The following LHFPL4 variants were observed in gnomAD, a reference collection of about 807,000 sequenced individuals.
LHFPL4 encodes LHFPL tetraspan subfamily member 4 protein.
LHFPL4 carries 6 observed loss-of-function variants against 20.0 expected under a neutral mutation model. The ratio of observed to expected loss-of-function variants is 0.30; its 90% CI spans 0.16 to 0.59. LHFPL4 has a LOEUF of 0.59. LHFPL4 is among the 20% of genes least tolerant of loss of function. The pLI, the probability that LHFPL4 is intolerant of heterozygous loss-of-function variation, is 0.88. For synonymous variants in LHFPL4, 129 were observed against 143.8 expected (o/e 0.90, Z 0.74); for missense variants, 215 against 331.2 (o/e 0.65, Z 2.72).
chr3:9,517,798 TTTG>T (rs1405588691), intron 2 of LHFPL4, among the ~76,000 whole-genome samples: 16 of 125,566 alleles, frequency 1.3e-4, no homozygotes, highest in African/African-American at 4.6e-4. Flanking sequence ...GTTGGGTTTT[TTTG>T]TTTTTTGTTT....
At chr3:9,511,144 G>A (rs2046256817) in intron 2 of LHFPL4, among the ~76,000 whole-genome samples, 1 of 152,174 alleles carries the variant, frequency 6.6e-6, no homozygotes, top group East Asian at 1.9e-4. Flanking sequence ...GAGGTCAGGA[G>A]TTCGAGACCA....
In LHFPL4 at chr3:9,552,348, G is replaced by C. The variant is rs773280217; in HGVS notation, c.332C>G (p.Thr111Ser). 1.2e-6 allele frequency: 2 copies of C among 1,613,928 alleles called. No individual in the cohort carries two copies. Among genetic ancestry groups the C allele is most frequent in the Non-Finnish European group, 1.7e-6 (2 of 1,179,938 alleles). ...GCAGAAGAAGAAAAGCGAAAAGCAG[G>C]TGATGCAGCCGAGGATCAGCACCAT... ...LSMVLILGCI[T>S]CFSLFFFCNT... The change falls in exon 2 of 4, where the codon ACC becomes AGC. Residue 111 changes from threonine (T) to serine (S), a missense_variant. This residue lies in a region of LHFPL4 where 164 missense variants were observed against 286.7 expected (regional missense o/e 0.57). Transcript: ENST00000287585.
intron 2 of LHFPL4, among the ~76,000 whole-genome samples, chr3:9,524,439 G>C (rs777001228): frequency 1.3e-5 from 2 of 151,926 alleles, no homozygotes; most frequent in Admixed American, 6.6e-5. Context: ...TTGTTAGTTT[G>C]TTTTAGTCTT....
In LHFPL4 at chr3:9,543,487, G is replaced by C. The variant is rs2046491060; in HGVS notation, c.406+8787C>G. Among the ~76,000 whole-genome samples the C allele has an allele frequency of 2.0e-5, 3 of 150,398 alleles. No individual in the cohort carries two copies. In the South Asian group the frequency reaches 6.3e-4, roughly 32 times the overall value. On this transcript the variant is annotated intron_variant, in intron 2 of 3. Coordinates refer to ENST00000287585, the MANE Select transcript of LHFPL4 (RefSeq NM_198560.3). ...TGCACTCCAGCCTGGGCAACAGAAT[G>C]AGATTCTGTCTCAAAACAAAAAAAA...
intron 1 of LHFPL4, among the ~76,000 whole-genome samples, chr3:9,553,374 G>A (rs1328418801): frequency 1.3e-5 from 2 of 150,776 alleles, no homozygotes; most frequent in African/African-American, 2.4e-5. Context: ...GGGATCGGGG[G>A]CTGGGACTGC....
Position 9,502,308 on chromosome 3 carries a change from A to G in LHFPL4, c.647T>C (p.Phe216Ser), listed in dbSNP as rs1213550943. The G allele has an allele frequency of 6.2e-7, 1 of 1,603,700 alleles. No individual in the cohort carries two copies. Among genetic ancestry groups the G allele is most frequent in the East Asian group, 2.2e-5 (1 of 44,792 alleles). Residue 216 changes from phenylalanine (F) to serine (S), a missense_variant, in exon 4 of 4, where the codon TTT (phenylalanine) becomes TCT (serine). Coordinates refer to ENST00000287585, the MANE Select transcript of LHFPL4 (RefSeq NM_198560.3). ...QEELKPENKD[F>S]VGSTVSSVLR... ...CACGGAGCTTACTGTAGAGCCCACA[A>G]AATCTAAGAGAGAGAGAGAGAGAGA...
At chr3:9,536,264 G>A (rs1574851485) in intron 2 of LHFPL4, among the ~76,000 whole-genome samples, 1 of 152,178 alleles carries the variant, frequency 6.6e-6, no homozygotes, top group African/African-American at 2.4e-5. Flanking sequence ...CTCTGTTCCT[G>A]CCCATCCAGG....
intron 2 of LHFPL4, among the ~76,000 whole-genome samples, chr3:9,534,415 A>G (rs2046432702): frequency 6.6e-6 from 1 of 152,202 alleles, no homozygotes; most frequent in Admixed American, 6.5e-5. Context: ...TACCCTGCTA[A>G]GTGAAAGGCA....
chr3:9,502,380 G>A (rs752404674), intron 3 of LHFPL4, 69 bp from the exon 4 acceptor site: 129 of 1,193,550 alleles, frequency 1.1e-4, no homozygotes, highest in Non-Finnish European at 1.5e-4. Flanking sequence ...GGGCATTCAG[G>A]CTTTCCTTGC....
At chr3:9,503,124 G>A (rs937032780) in intron 3 of LHFPL4, among the ~76,000 whole-genome samples, 3 of 152,142 alleles carry the variant, frequency 2.0e-5, no homozygotes, top group Non-Finnish European at 4.4e-5. Flanking sequence ...TGCGCGCCAT[G>A]GCTTTTGGCT....
chr3:9,544,517 C>T (rs1167931048), intron 2 of LHFPL4, among the ~76,000 whole-genome samples: 1 of 151,950 alleles, frequency 6.6e-6, no homozygotes, highest in African/African-American at 2.4e-5. Context: ...CCCAGCTACT[C>T]GGGAGGCTGA....
At chr3:9,503,302 G>A (rs1213628180) in intron 3 of LHFPL4, among the ~76,000 whole-genome samples, 3 of 152,286 alleles carry the variant, frequency 2.0e-5, no homozygotes, top group Non-Finnish European at 4.4e-5. Context: ...AGGACACCGA[G>A]GGGGCCCACT....
intron 2 of LHFPL4, among the ~76,000 whole-genome samples, chr3:9,546,734 C>G (rs185010831): frequency 9.9e-5 from 15 of 152,152 alleles, no homozygotes; most frequent in Non-Finnish European, 1.8e-4. Flanking sequence ...AGTCCAAACT[C>G]TAAGTGTCAA....
intron 2 of LHFPL4, among the ~76,000 whole-genome samples, chr3:9,544,223 A>C (rs1402388750): frequency 6.6e-6 from 1 of 151,978 alleles, no homozygotes; most frequent in African/African-American, 2.4e-5. Flanking sequence ...TTACCTTCCA[A>C]ATTTTGTCTC....
At chr3:9,512,983 G>C (rs148063010) in intron 2 of LHFPL4, among the ~76,000 whole-genome samples, 6,295 of 152,246 alleles carry the variant, frequency 0.041, 179 homozygotes, top group Non-Finnish European at 0.062. Context: ...TTTGGAGACG[G>C]AGTCTCACTC....
rs570927622 is a variant in LHFPL4 at position 9,506,422 on chromosome 3, C to T, written c.407-219G>A. 1.3e-5 allele frequency among the ~76,000 whole-genome samples: 2 copies of T among 152,204 alleles called. No individual in the cohort carries two copies. Among genetic ancestry groups the T allele is most frequent in the African/African-American group, 2.4e-5 (1 of 41,526 alleles). On this transcript the variant is annotated intron_variant, in intron 2 of 3. Transcript: ENST00000287585. The surrounding 1 kb of genome is among the most constrained non-coding windows in gnomAD (Gnocchi z 4.5). ...TGGGTAGCAGAAACTTTCTGGAACCCGCAATGCCCTCTCCCTTCCCCATGA... is the reference window on the plus strand; with the variant it reads ...TGGGTAGCAGAAACTTTCTGGAACCTGCAATGCCCTCTCCCTTCCCCATGA...
rs2046220922 is a variant in LHFPL4 at position 9,506,664 on chromosome 3, T to C, written c.407-461A>G. 1.1e-5 allele frequency among the ~76,000 whole-genome samples: 1 copy of C among 87,520 alleles called. No individual in the cohort carries two copies. Among genetic ancestry groups the C allele is most frequent in the African/African-American group, 4.4e-5 (1 of 22,952 alleles). The allele number at this position is 87,520 out of a possible 152,430, so 57.4% of individuals were successfully genotyped here. A position where few individuals can be genotyped will look rare whatever the true frequency, so the allele number is the denominator to read the frequency against. On this transcript the variant is annotated intron_variant, in intron 2 of 3. Coordinates refer to ENST00000287585, the MANE Select transcript of LHFPL4 (RefSeq NM_198560.3). This position sits in a 1 kb window ranked among gnomAD's most constrained non-coding sequence, Gnocchi z 4.5. Reference sequence around the variant, plus strand: ...GGCGTGATCTCGGCTCACTGTAACCTCCACCTCCCGGGCTCAAGCAATTCT... The same window carrying C: ...GGCGTGATCTCGGCTCACTGTAACCCCCACCTCCCGGGCTCAAGCAATTCT...
intron 2 of LHFPL4, among the ~76,000 whole-genome samples, chr3:9,520,647 A>G (rs1244448766): frequency 6.6e-6 from 1 of 152,102 alleles, no homozygotes; most frequent in Admixed American, 6.6e-5. Flanking sequence ...CCCGGCCTCT[A>G]TCTTGAGATT....
At position 9,531,618 on chromosome 3, in the gene LHFPL4, G is replaced by A. The variant is rs1297090710; in HGVS notation, c.406+20656C>T. Reference sequence around the variant, plus strand: ...ACAATTCGAGACCAGCCTGGCCAACGTGGTGAAACCCCGTCTCTACTAAAA... The same window carrying A: ...ACAATTCGAGACCAGCCTGGCCAACATGGTGAAACCCCGTCTCTACTAAAA... On this transcript the variant is annotated intron_variant, in intron 2 of 3. Coordinates refer to ENST00000287585, the MANE Select transcript of LHFPL4 (RefSeq NM_198560.3). 5.3e-5 allele frequency among the ~76,000 whole-genome samples: 8 copies of A among 152,052 alleles called. No individual in the cohort carries two copies. In the East Asian group the frequency reaches 1.6e-3, roughly 30 times the overall value.
Sources: gnomAD v4.1 joint callset for allele counts (sites outside exome capture counted in the v4.1 genomes callset) on GRCh38, gnomAD v4.1.1 for gene constraint, gnomAD v4.1.1 regional missense constraint, Gnocchi (gnomAD v3.1) non-coding constraint, MANE v1.5 for transcripts, NCBI Gene and HGNC (gene_info 2026-07-23, HGNC 2026-07-21) for gene names.